Variants in NCAM2 observed in about 807,000 individuals in gnomAD.
NCAM2 encodes the protein N-CAM-2.
In NCAM2, 30 loss-of-function variants were observed where a neutral mutation model predicts 98.1. That is an observed-to-expected ratio of 0.31 (90% CI 0.23 to 0.41). NCAM2 has a LOEUF of 0.41. Among genes scored for constraint, NCAM2 ranks in the 10% least tolerant of loss-of-function variants. The probability of loss-of-function intolerance (pLI) is 1.00; values close to 1 mark genes in which losing one functional copy is unlikely to be tolerated. For missense variants in NCAM2, 867 were observed against 1,005.8 expected (o/e 0.86, Z 1.87); for synonymous variants, 368 against 342.4 (o/e 1.07, Z -0.83).
intron 1 of NCAM2, among the ~76,000 whole-genome samples, chr21:21,008,829 T>C (rs1186333480): frequency 6.6e-6 from 1 of 152,178 alleles, no homozygotes; most frequent in African/African-American, 2.4e-5. Flanking sequence ...TACTTTTGCC[T>C]TGTATTCATT....
chr21:21,481,371 C>T (rs233753), intron 15 of NCAM2, among the ~76,000 whole-genome samples: 5,450 of 152,186 alleles, frequency 0.036, 316 homozygotes, highest in African/African-American at 0.12. Flanking sequence ...AACAAAGGGT[C>T]ATATTTCAAG....
chr21:21,141,653 A>C (rs567750366), intron 1 of NCAM2, among the ~76,000 whole-genome samples: 1 of 152,178 alleles, frequency 6.6e-6, no homozygotes, highest in East Asian at 1.9e-4. Context: ...TTCGTGCTCA[A>C]ATTTTCTCCT....
intron 9 of NCAM2, among the ~76,000 whole-genome samples, chr21:21,404,556 A>G (rs2076697823): frequency 6.6e-6 from 1 of 152,106 alleles, no homozygotes; most frequent in African/African-American, 2.4e-5. Flanking sequence ...CTTTTTCTTC[A>G]TAAATTACCC....
chr21:21,214,760 A>C (rs1489876387), intron 1 of NCAM2, among the ~76,000 whole-genome samples: 1 of 101,640 alleles, frequency 9.8e-6, no homozygotes, highest in Non-Finnish European at 2.2e-5. Flanking sequence ...CTATATATAC[A>C]CATATATGTA....
At chr21:21,246,735 C>T (rs1334974908) in intron 1 of NCAM2, among the ~76,000 whole-genome samples, 1 of 152,078 alleles carries the variant, frequency 6.6e-6, no homozygotes, top group East Asian at 1.9e-4. Flanking sequence ...ATGTAATTTT[C>T]TCACTCTCAA....
At chr21:21,042,596 C>A (rs1446111331) in intron 1 of NCAM2, among the ~76,000 whole-genome samples, 1 of 152,048 alleles carries the variant, frequency 6.6e-6, no homozygotes, top group African/African-American at 2.4e-5. Flanking sequence ...ATCTTAAATT[C>A]TTTGAGCTTT....
At chr21:21,336,379 G>T (rs1000785066) in intron 7 of NCAM2, among the ~76,000 whole-genome samples, 6 of 145,788 alleles carry the variant, frequency 4.1e-5, no homozygotes, top group Non-Finnish European at 7.5e-5. Flanking sequence ...GAAGGAAGGA[G>T]AAATCTGTTA....
At chr21:21,001,768 C>T (rs1024351145) in intron 1 of NCAM2, among the ~76,000 whole-genome samples, 3 of 152,172 alleles carry the variant, frequency 2.0e-5, no homozygotes, top group African/African-American at 7.2e-5. Flanking sequence ...AAACGTACCA[C>T]TTAGAACACT....
chr21:21,075,382 A>G (rs1384093993), intron 1 of NCAM2, among the ~76,000 whole-genome samples: 2 of 152,178 alleles, frequency 1.3e-5, no homozygotes, highest in African/African-American at 4.8e-5. Flanking sequence ...ATTTTCTTAT[A>G]TTGATATTGT....
chr21:21,122,898 T>C (rs1452699267), intron 1 of NCAM2, among the ~76,000 whole-genome samples: 3 of 152,140 alleles, frequency 2.0e-5, no homozygotes. Flanking sequence ...AAACTATCTA[T>C]TGCAGTCTCG....
intron 5 of NCAM2, among the ~76,000 whole-genome samples, chr21:21,320,211 A>T (rs1413297384): frequency 6.6e-6 from 1 of 152,220 alleles, no homozygotes; most frequent in Non-Finnish European, 1.5e-5. Flanking sequence ...TATTGATTAG[A>T]TTTTGTAACA....
chr21:21,485,348 T>TGTTC (rs1254322854), intron 15 of NCAM2, among the ~76,000 whole-genome samples: 6 of 152,184 alleles, frequency 3.9e-5, no homozygotes, highest in African/African-American at 1.4e-4. Context: ...CAAGTCCTAT[T>TGTTC]GTTCTAACAT....
intron 11 of NCAM2, among the ~76,000 whole-genome samples, chr21:21,423,247 C>T (rs1399778642): frequency 6.6e-6 from 1 of 152,098 alleles, no homozygotes; most frequent in Non-Finnish European, 1.5e-5. Flanking sequence ...TATGTCCAGC[C>T]CCTGGGGAAT....
intron 1 of NCAM2, among the ~76,000 whole-genome samples, chr21:21,008,203 C>G (rs1307333219): frequency 6.6e-6 from 1 of 152,122 alleles, no homozygotes; most frequent in Admixed American, 6.6e-5. Context: ...TCACTTATAA[C>G]TTTCTGATAC....
At chr21:21,026,869 T>C (rs1296980111) in intron 1 of NCAM2, among the ~76,000 whole-genome samples, 3 of 149,282 alleles carry the variant, frequency 2.0e-5, no homozygotes, top group African/African-American at 7.4e-5. Context: ...TTTTTTTTTT[T>C]TTTTTGAGAC....
In NCAM2 at chr21:21,466,806, A is replaced by G. The variant is rs547551552; in HGVS notation, c.1774+81A>G. The G allele has an allele frequency of 1.3e-5, 18 of 1,372,722 alleles. No homozygotes were observed. The South Asian group carries it at 2.1e-4, about 16-fold the overall frequency. The allele number at this position is 1,372,722 out of a possible 1,614,324, so 85.0% of individuals were successfully genotyped here. ...TTAATAGATTTTAAAATGTAGGGAG[A>G]TGTTTCAACACTTTTGAGACATGAA... is the stretch of plus-strand genomic sequence containing the variant. On this transcript the variant is annotated intron_variant, in intron 13 of 17. Transcript: ENST00000400546.
chr21:21,518,185 T>C (rs1412411916), intron 16 of NCAM2, among the ~76,000 whole-genome samples: 1 of 152,206 alleles, frequency 6.6e-6, no homozygotes, highest in Non-Finnish European at 1.5e-5. Context: ...ACATTTTTTT[T>C]ACATCACCAA....
chr21:21,233,054 T>G (rs576982992), intron 1 of NCAM2, among the ~76,000 whole-genome samples: 7 of 151,762 alleles, frequency 4.6e-5, no homozygotes, highest in African/African-American at 1.4e-4. Flanking sequence ...TTTAAAAAAA[T>G]TCTGTTATGT....
At chr21:21,008,208 T>A (rs1486493338) in intron 1 of NCAM2, among the ~76,000 whole-genome samples, 1 of 152,220 alleles carries the variant, frequency 6.6e-6, no homozygotes, top group African/African-American at 2.4e-5. Flanking sequence ...TATAACTTTC[T>A]GATACAAGCT....
Sources: allele counts gnomAD v4.1 joint callset (sites outside exome capture counted in the v4.1 genomes callset), GRCh38; gene constraint gnomAD v4.1.1; transcripts MANE v1.5; gene names NCBI Gene and HGNC (gene_info 2026-07-23, HGNC 2026-07-21).